Variants in ZNF732 observed in about 807,000 individuals in gnomAD.
ZNF732 encodes zinc finger protein 732.
Under a neutral mutation model 11.5 loss-of-function variants are expected in ZNF732, and 12 were observed. The observed-to-expected ratio is 1.05, with a 90% confidence interval of 0.67 to 1.70. The LOEUF is 1.70. ZNF732 is among the 40% of genes most tolerant of loss of function. The pLI, the probability that ZNF732 is intolerant of heterozygous loss-of-function variation, is 0.00. For synonymous variants in ZNF732, 231 were observed against 236.5 expected (o/e 0.98, Z 0.21); for missense variants, 702 against 676.9 (o/e 1.04, Z -0.41).
chr4:280,457 T>C (rs1004599027), intron 3 of ZNF732, among the ~76,000 whole-genome samples: 12 of 152,064 alleles, frequency 7.9e-5, no homozygotes, highest in Admixed American at 2.6e-4. Flanking sequence ...GGCTGGCGCA[T>C]GCCTGTAATC....
At chr4:274,100 CCA>C (rs1719444721) in intron 3 of ZNF732, among the ~76,000 whole-genome samples, 1 of 151,594 alleles carries the variant, frequency 6.6e-6, no homozygotes, top group Admixed American at 6.6e-5. Context: ...ATATGCACAT[CCA>C]CAAAGTTCTG....
rs569414217 is a variant in ZNF732, at chr4:299,359, A to G, written c.4-3204T>C. 1.9e-3 allele frequency among the ~76,000 whole-genome samples: 246 copies of G among 130,360 alleles called. 9 individuals carry two copies. The highest frequency in any genetic ancestry group is 4.5e-3 in the Middle Eastern group (1 of 220). The allele number at this position is 130,360 out of a possible 152,430, so 85.5% of individuals were successfully genotyped here. On this transcript the variant is annotated intron_variant, in intron 1 of 3. Transcript: ENST00000419098. ...CAGTTATGAGTATATATACACATAT[A>G]TACACATATGTGTATATATATATAC...
intron 3 of ZNF732, among the ~76,000 whole-genome samples, chr4:280,218 TAC>T (rs112737400): frequency 0.061 from 9,146 of 149,602 alleles, 456 homozygotes; most frequent in African/African-American, 0.14. Context: ...TTCAAACAAC[TAC>T]AGTTTTCAAC....
intron 3 of ZNF732, among the ~76,000 whole-genome samples, chr4:282,556 C>A (rs1472645692): frequency 1.3e-5 from 2 of 152,022 alleles, no homozygotes; most frequent in Non-Finnish European, 2.9e-5. Context: ...AAAAAATTAG[C>A]TGGACATGGT....
intron 1 of ZNF732, among the ~76,000 whole-genome samples, chr4:301,032 C>A (rs1239004902): frequency 6.6e-6 from 1 of 152,148 alleles, no homozygotes; most frequent in Non-Finnish European, 1.5e-5. Flanking sequence ...AAGAAAAAAA[C>A]AACCCCATCA....
chr4:297,273 A>AAAG (rs568362731), intron 1 of ZNF732, among the ~76,000 whole-genome samples: 1 of 151,904 alleles, frequency 6.6e-6, no homozygotes, highest in African/African-American at 2.4e-5. Flanking sequence ...TCAAAAAAAA[A>AAAG]AAAAACAACA....
chr4:293,296 ATATG>A (rs1719883482), intron 3 of ZNF732, among the ~76,000 whole-genome samples: 1 of 146,896 alleles, frequency 6.8e-6, no homozygotes, highest in Admixed American at 6.9e-5. Flanking sequence ...ATATATATAT[ATATG>A]TGTGTGTGTG....
At chr4:285,881 A>T (rs1053618250) in intron 3 of ZNF732, among the ~76,000 whole-genome samples, 1 of 152,228 alleles carries the variant, frequency 6.6e-6, no homozygotes, top group Non-Finnish European at 1.5e-5. Flanking sequence ...CTGGAACTAC[A>T]GGTGCATGCC....
At chr4:273,858 A>C (rs1553838282) in intron 3 of ZNF732, among the ~76,000 whole-genome samples, 1 of 151,562 alleles carries the variant, frequency 6.6e-6, no homozygotes, top group Admixed American at 6.6e-5. Context: ...GGATATTGTT[A>C]AGGTGCTAGG....
Position 271,567 on chromosome 4 carries a change from G to A in ZNF732, c.1290C>T (p.Ser430=), listed in dbSNP as rs1369063475. The change falls in exon 4 of 4, where the codon TCC becomes TCT. Residue 430 remains serine, a synonymous_variant. Coordinates refer to ENST00000419098, the MANE Select transcript of ZNF732 (RefSeq NM_001137608.3). ...CEECGKAFGW[S]TDLNKHKIIH... ...TTATCTTATGTTTATTCAGGTCTGT[G>A]GACCATCCAAAGGCTTTGCCACACT... The A allele has an allele frequency of 6.2e-7, 1 of 1,611,574 alleles. No homozygotes were observed. The highest frequency in any genetic ancestry group is 1.7e-4 in the Middle Eastern group (1 of 5,990).
chr4:286,852 T>C (rs886168370), intron 3 of ZNF732, among the ~76,000 whole-genome samples: 6 of 152,140 alleles, frequency 3.9e-5, no homozygotes, highest in Non-Finnish European at 7.4e-5. Flanking sequence ...TCAGACCACA[T>C]GGAATAAAAC....
chr4:285,741 T>C (rs1286411045), intron 3 of ZNF732, among the ~76,000 whole-genome samples: 2 of 152,224 alleles, frequency 1.3e-5, no homozygotes, highest in African/African-American at 4.8e-5. Flanking sequence ...GCTGCTGTGA[T>C]ACCTTTATGT....
intron 3 of ZNF732, among the ~76,000 whole-genome samples, chr4:293,067 C>CAAAAAAAA (rs1227557602): frequency 5.7e-5 from 2 of 35,156 alleles, no homozygotes; most frequent in Non-Finnish European, 1.1e-4. Context: ...GACTCCATCT[C>CAAAAAAAA]AAAAAAAAAA....
intron 1 of ZNF732, among the ~76,000 whole-genome samples, chr4:302,155 T>C (rs890269715): frequency 2.0e-5 from 3 of 152,152 alleles, no homozygotes; most frequent in African/African-American, 7.2e-5. Context: ...GCCACCAAAT[T>C]ATGGGTTGTG....
chr4:287,289 A>G, intron 3 of ZNF732, among the ~76,000 whole-genome samples: 1 of 150,560 alleles, frequency 6.6e-6, no homozygotes, highest in East Asian at 2.0e-4. Flanking sequence ...ATCTCGGCTC[A>G]CTGCAGCCTC....
Position 270,744 on chromosome 4 carries a change from T to C in ZNF732, c.*355A>G. On this transcript the variant is annotated 3_prime_UTR_variant, in exon 4 of 4. Transcript: ENST00000419098. ...TTATGGGTGAGGACCGTTTATAGGC[T>C]TTCCCACATTCTTTACATTTGTAGG... 2 of 456,124 alleles carry C rather than the reference T, an allele frequency of 4.4e-6. No individual in the cohort carries two copies. The highest frequency in any genetic ancestry group is 8.4e-6 in the Non-Finnish European group (2 of 237,832). 28.3% of individuals were successfully genotyped at this position (456,124 alleles called of 1,614,324 possible).
chr4:301,895 A>C (rs1332542972), intron 1 of ZNF732, among the ~76,000 whole-genome samples: 3 of 152,246 alleles, frequency 2.0e-5, no homozygotes, highest in Admixed American at 2.0e-4. Context: ...ATAGATATAA[A>C]AAAGAAGTTC....
chr4:272,309 G>A lies in ZNF732; in HGVS notation c.548C>T (p.Thr183Ile). Residue 183 changes from threonine to isoleucine, a missense_variant, in exon 4 of 4, where the codon ACT (threonine) becomes ATT (isoleucine). Physicochemically the swap from Thr to Ile is moderately conservative, Grantham distance 89 (BLOSUM62 -1). Coordinates refer to ENST00000419098, the MANE Select transcript of ZNF732 (RefSeq NM_001137608.3). The part of the protein sequence containing the change: ...GKSFQKFSDL[T>I]QHQGIHAGEK... ...TCCAGCATGAATTCCTTGATGTTGAGTTAGGTCTGAGAACTTCTGAAATGA... is the reference window on the plus strand; with the variant it reads ...TCCAGCATGAATTCCTTGATGTTGAATTAGGTCTGAGAACTTCTGAAATGA... 6.2e-7 allele frequency: 1 copy of A among 1,612,796 alleles called. No individual in the cohort carries two copies.
At chr4:293,870 C>G (rs530214041) in intron 3 of ZNF732, among the ~76,000 whole-genome samples, 4 of 152,040 alleles carry the variant, frequency 2.6e-5, no homozygotes, top group African/African-American at 7.2e-5. Flanking sequence ...TCATATCACG[C>G]AAACACAGAT....
Sources: allele counts gnomAD v4.1 joint callset (sites outside exome capture counted in the v4.1 genomes callset), GRCh38; gene constraint gnomAD v4.1.1; transcripts MANE v1.5; gene names NCBI Gene and HGNC (gene_info 2026-07-23, HGNC 2026-07-21).